USP28: variants seen among roughly 807,000 people sequenced by gnomAD.
USP28 encodes ubiquitin carboxyl-terminal hydrolase 28.
USP28 carries 113 observed loss-of-function variants against 145.0 expected under a neutral mutation model. That is an observed-to-expected ratio of 0.78 (90% CI 0.67 to 0.91). The LOEUF is 0.91. Among genes scored for constraint, USP28 ranks in the 40% least tolerant of loss-of-function variants. The pLI is 0.00. For missense variants in USP28, 1,201 were observed against 1,289.6 expected, an observed-to-expected ratio of 0.93 and a Z score of 1.05; for synonymous variants, 447 against 450.9, an observed-to-expected ratio of 0.99 and a Z score of 0.11.
intron 1 of USP28, among the ~76,000 whole-genome samples, chr11:113,865,153 C>A (rs1353151496): frequency 6.6e-6 from 1 of 152,118 alleles, no homozygotes; most frequent in Non-Finnish European, 1.5e-5. Flanking sequence ...AGACTTAATA[C>A]TGTGAAGGTG....
In USP28 at chr11:113,827,430, A is replaced by G. The variant is rs1275009789; in HGVS notation, c.1060-70T>C. 3.4e-6 allele frequency: 5 copies of G among 1,456,816 alleles called. No homozygotes were observed. The Admixed American group carries it at 1.2e-4, about 36-fold the overall frequency. The allele number at this position is 1,456,816 out of a possible 1,614,324, so 90.2% of individuals were successfully genotyped here. A position where few individuals can be genotyped will look rare whatever the true frequency, so the allele number is the denominator to read the frequency against. ...AGGAAATTACAATAACCAGATTTAA[A>G]ATATCTCTCATTAAAGTTTCTTCCT... On this transcript the variant is annotated intron_variant, in intron 10 of 24. Coordinates refer to ENST00000003302, the Ensembl canonical transcript of USP28.
exon 24 of USP28, chr11:113,801,678 C>T (rs1199490752): frequency 6.4e-7 from 1 of 1,558,508 alleles, no homozygotes; most frequent in Admixed American, 1.7e-5. Flanking sequence ...GCATTCAGCT[C>T]CTACAGATAA....
chr11:113,842,484 T>C (rs901848069), intron 3 of USP28, among the ~76,000 whole-genome samples: 2 of 150,848 alleles, frequency 1.3e-5, no homozygotes, highest in African/African-American at 2.4e-5. Context: ...ACTCAGGAGG[T>C]TGAGGTGGGA....
At chr11:113,816,548 C>A (rs897223897) in intron 13 of USP28, among the ~76,000 whole-genome samples, 1 of 151,894 alleles carries the variant, frequency 6.6e-6, no homozygotes, top group Non-Finnish European at 1.5e-5. Context: ...AAAAACCTCA[C>A]TCCCTCCTCC....
intron 1 of USP28, among the ~76,000 whole-genome samples, chr11:113,861,167 T>C (rs1050823596): frequency 3.3e-5 from 5 of 151,326 alleles, no homozygotes; most frequent in Middle Eastern, 7.0e-3. Flanking sequence ...ACAGAGATGG[T>C]TGCTAACCTT....
In USP28 at chr11:113,833,561, T is replaced by C. The variant is rs765856808; in HGVS notation, c.622-4A>G. 2.7e-5 allele frequency: 44 copies of C among 1,610,932 alleles called. 1 individual carries two copies. In the East Asian group the frequency reaches 8.7e-4, roughly 32 times the overall value. On this transcript the variant is annotated splice_polypyrimidine_tract_variant and splice_region_variant and intron_variant, in intron 6 of 24. Coordinates refer to ENST00000003302, the Ensembl canonical transcript of USP28. Reference sequence around the variant, plus strand: ...TAAACATGATATTTCTCTTTTCCTGTAGAAAACACAGTACATGTACTCTTA... The same window carrying C: ...TAAACATGATATTTCTCTTTTCCTGCAGAAAACACAGTACATGTACTCTTA...
At chr11:113,865,343 A>T (rs1172954719) in intron 1 of USP28, among the ~76,000 whole-genome samples, 1 of 152,224 alleles carries the variant, frequency 6.6e-6, no homozygotes. Flanking sequence ...AGAAAAGCTG[A>T]TCCTCAAATT....
intron 24 of USP28, 40 bp from the exon 26 acceptor site, chr11:113,799,455 A>G: frequency 6.3e-7 from 1 of 1,582,226 alleles, no homozygotes; most frequent in Non-Finnish European, 8.6e-7. Context: ...ACAGCTAAAC[A>G]GATTTCTGAG....
intron 3 of USP28, among the ~76,000 whole-genome samples, chr11:113,846,949 C>A (rs1456344123): frequency 6.6e-6 from 1 of 151,402 alleles, no homozygotes; most frequent in Non-Finnish European, 1.5e-5. Context: ...GAGCCGAGAT[C>A]ACACCACTGC....
exon 1 of USP28, chr11:113,875,559 C>T: frequency 9.0e-7 from 1 of 1,109,830 alleles, no homozygotes; most frequent in Non-Finnish European, 1.1e-6. Flanking sequence ...GCCGGCCCAG[C>T]CTCTCAGGAC....
intron 1 of USP28, among the ~76,000 whole-genome samples, chr11:113,863,805 C>T (rs927868697): frequency 4.6e-5 from 7 of 151,100 alleles, no homozygotes; most frequent in African/African-American, 1.7e-4. Context: ...ATTAGCCGGG[C>T]ATGGTGGCCG....
intron 11 of USP28, among the ~76,000 whole-genome samples, chr11:113,825,797 G>A (rs1317742717): frequency 6.6e-6 from 1 of 152,140 alleles, no homozygotes; most frequent in Non-Finnish European, 1.5e-5. Context: ...TAACATTATA[G>A]GGTCCAAAAA....
At chr11:113,798,999 C>A (rs532777796) in exon 25 of USP28, 2 of 330,874 alleles carry the variant, frequency 6.0e-6, no homozygotes, top group East Asian at 6.0e-5. Context: ...GGTCTTCTGG[C>A]GTAATTCAAC....
chr11:113,841,547 A>T lies in USP28; in HGVS notation c.374+116T>A, dbSNP rs186420275. The T allele has an allele frequency of 9.2e-6, 6 of 652,928 alleles. No individual in the cohort carries two copies. In the African/African-American group the frequency reaches 1.1e-4, roughly 12 times the overall value. The allele number at this position is 652,928 out of a possible 1,614,324, so 40.4% of individuals were successfully genotyped here. A position where few individuals can be genotyped will look rare whatever the true frequency, so the allele number is the denominator to read the frequency against. ...CTAATGCAAATTCAAAATTTCTCCT[A>T]AAAGAAATGTCATTCAGGTGCTTAA... On this transcript the variant is annotated intron_variant, in intron 4 of 24. Transcript: ENST00000003302.
At chr11:113,831,948 C>A (rs1944037121) in exon 8 of USP28, 1 of 1,613,852 alleles carries the variant, frequency 6.2e-7, no homozygotes, top group African/African-American at 1.3e-5. Flanking sequence ...TGGAATGCGT[C>A]CTCTAGCCAA....
intron 3 of USP28, among the ~76,000 whole-genome samples, chr11:113,850,404 T>C (rs994730092): frequency 2.0e-5 from 3 of 152,148 alleles, no homozygotes; most frequent in Non-Finnish European, 4.4e-5. Flanking sequence ...CATGGAATAC[T>C]ACACACCAGT....
rs775252832 is a variant in USP28 at position 113,802,585 on chromosome 11, C to T, written c.2862+573G>A. The stretch of plus-strand genomic sequence containing the variant: ...GGCAAGGGGATGTAGGTCTGCCTTT[C>T]CATGTAGTTATACAGTGCAAATCAG... On this transcript the variant is annotated intron_variant, in intron 23 of 24. Coordinates refer to ENST00000003302, the Ensembl canonical transcript of USP28. 2.3e-4 allele frequency among the ~76,000 whole-genome samples: 35 copies of T among 152,304 alleles called. 1 individual carries two copies. The highest frequency in any genetic ancestry group is 1.7e-3 in the South Asian group (8 of 4,820).
chr11:113,816,071 A>G (rs1490460034), intron 13 of USP28, among the ~76,000 whole-genome samples: 2 of 152,254 alleles, frequency 1.3e-5, no homozygotes. Flanking sequence ...AGAATAAAGC[A>G]TATCAAGTAA....
At chr11:113,874,034 G>C (rs1414452089) in intron 1 of USP28, among the ~76,000 whole-genome samples, 3 of 151,690 alleles carry the variant, frequency 2.0e-5, no homozygotes, top group Non-Finnish European at 4.4e-5. Flanking sequence ...CCAGCTACTC[G>C]GGAGGCTGAG....
Sources: allele counts gnomAD v4.1 joint callset (sites outside exome capture counted in the v4.1 genomes callset), GRCh38; gene constraint gnomAD v4.1.1; transcripts MANE v1.5; gene names NCBI Gene and HGNC (gene_info 2026-07-23, HGNC 2026-07-21).